The following SLC6A6 variants were observed in gnomAD, a reference collection of about 807,000 sequenced individuals.
SLC6A6 encodes sodium- and chloride-dependent taurine transporter.
In SLC6A6, 16 loss-of-function variants were observed where a neutral mutation model predicts 68.8. The ratio of observed to expected loss-of-function variants is 0.23; its 90% confidence interval spans 0.16 to 0.35. The LOEUF (loss-of-function observed/expected upper bound fraction) is 0.35. Ranked by LOEUF, SLC6A6 falls within the 10% of genes least tolerant of loss-of-function variation. The pLI, the probability that SLC6A6 is intolerant of heterozygous loss-of-function variation, is 1.00. For synonymous variants in SLC6A6, 312 were observed against 315.4 expected (o/e 0.99, Z 0.12); for missense variants, 474 against 802.8 (o/e 0.59, Z 4.95).
intron 3 of SLC6A6, 57 bp from the exon 4 acceptor site, chr3:14,445,660 T>C: frequency 1.2e-6 from 2 of 1,608,034 alleles, no homozygotes; most frequent in South Asian, 2.2e-5. Context: ...TTGGGAGCCT[T>C]CTGCGTCGGC....
intron 13 of SLC6A6, among the ~76,000 whole-genome samples, chr3:14,479,767 GT>G (rs1700966168): frequency 6.6e-6 from 1 of 152,208 alleles, no homozygotes; most frequent in South Asian, 2.1e-4. Context: ...CGCCCACCAT[GT>G]TGGAGTTGGC....
chr3:14,446,431 C>T (rs35160978), intron 4 of SLC6A6, among the ~76,000 whole-genome samples: 69,658 of 152,018 alleles, frequency 0.46, 17,397 homozygotes, highest in African/African-American at 0.67. Context: ...GGAGCAAGGG[C>T]TGAAAGACTA....
At chr3:14,419,770 C>A (rs1699445868) in intron 2 of SLC6A6, among the ~76,000 whole-genome samples, 1 of 152,150 alleles carries the variant, frequency 6.6e-6, no homozygotes, top group Admixed American at 6.5e-5. Context: ...CATGCAATTT[C>A]TCATTTTATC....
At chr3:14,457,856 G>A in intron 5 of SLC6A6, 94 bp from the exon 6 acceptor site, 1 of 1,237,700 alleles carries the variant, frequency 8.1e-7, no homozygotes, top group Non-Finnish European at 1.2e-6. Flanking sequence ...CCTCAGGTGG[G>A]ATTTGACCCC....
intron 13 of SLC6A6, among the ~76,000 whole-genome samples, chr3:14,479,482 T>C (rs967579467): frequency 6.6e-6 from 1 of 152,154 alleles, no homozygotes; most frequent in African/African-American, 2.4e-5. Context: ...TGGAGCATGT[T>C]GAGAAATCCA....
rs1157780713 is a variant in SLC6A6, at chr3:14,468,487, C to T, written c.1096+275C>T. ...TTAGCTACCTTAGTGTGGTCTTCCC[C>T]GCCCCCCCGTCCTTCCCCAGCAAAC... is the stretch of plus-strand genomic sequence containing the variant. On this transcript the variant is annotated intron_variant, in intron 9 of 14. Transcript: ENST00000622186. This position sits in a 1 kb window ranked among gnomAD's most constrained non-coding sequence, Gnocchi z 4.5. Among the ~76,000 whole-genome samples, 3 of 152,002 alleles carry T rather than the reference C, an allele frequency of 2.0e-5. No individual in the cohort carries two copies. Among genetic ancestry groups the T allele is most frequent in the African/African-American group, 4.8e-5 (2 of 41,368 alleles).
intron 14 of SLC6A6, among the ~76,000 whole-genome samples, chr3:14,483,102 AG>A (rs917599905): frequency 5.8e-4 from 88 of 152,344 alleles, no homozygotes; most frequent in African/African-American, 2.0e-3. Flanking sequence ...GACACCCAAC[AG>A]GTCACTAACT....
chr3:14,418,980 A>G (rs1281990830), intron 2 of SLC6A6, among the ~76,000 whole-genome samples: 3 of 152,200 alleles, frequency 2.0e-5, no homozygotes, highest in Non-Finnish European at 2.9e-5. Flanking sequence ...TGAGTAGTCA[A>G]AGCACCTGGG....
At chr3:14,414,472 G>A (rs1265698250) in intron 1 of SLC6A6, among the ~76,000 whole-genome samples, 1 of 152,134 alleles carries the variant, frequency 6.6e-6, no homozygotes, top group Non-Finnish European at 1.5e-5. Flanking sequence ...GCTGTCCCCA[G>A]AAGGGGCATG....
At chr3:14,426,785 G>C (rs1359314633) in intron 2 of SLC6A6, among the ~76,000 whole-genome samples, 1 of 152,036 alleles carries the variant, frequency 6.6e-6, no homozygotes, top group Non-Finnish European at 1.5e-5. Flanking sequence ...AGGAGGGCTG[G>C]CCCTGCCCTA....
At chr3:14,405,904 T>A (rs867527058) in intron 1 of SLC6A6, among the ~76,000 whole-genome samples, 12 of 152,230 alleles carry the variant, frequency 7.9e-5, no homozygotes, top group African/African-American at 2.6e-4. Flanking sequence ...TTACCATCCG[T>A]AGGATACAGT....
At position 14,477,198 on chromosome 3, in the gene SLC6A6, T is replaced by C; in HGVS notation, c.1210-7T>C. 1 of 1,609,350 alleles carries C rather than the reference T, an allele frequency of 6.2e-7. No homozygotes were observed. Among genetic ancestry groups the C allele is most frequent in the Non-Finnish European group, 8.5e-7 (1 of 1,176,748 alleles). On this transcript the variant is annotated splice_polypyrimidine_tract_variant and splice_region_variant and intron_variant, in intron 10 of 14. Coordinates refer to ENST00000622186, the MANE Select transcript of SLC6A6 (RefSeq NM_003043.6). This position sits in a 1 kb window ranked among gnomAD's most constrained non-coding sequence, Gnocchi z 4.2. ...CGCTCACCAGCTCTCTCTCTTCCCC[T>C]CCTCAGTTTGTTGAAGTTGAAGGAC...
chr3:14,410,605 A>G (rs1004411956), intron 1 of SLC6A6, among the ~76,000 whole-genome samples: 4 of 152,200 alleles, frequency 2.6e-5, no homozygotes, highest in African/African-American at 7.2e-5. Context: ...CTCAGCAGGT[A>G]TCTGAGCAGG....
At chr3:14,443,579 TG>T in intron 2 of SLC6A6, 44 bp from the exon 3 acceptor site, 1 of 1,281,088 alleles carries the variant, frequency 7.8e-7, no homozygotes, top group Non-Finnish European at 1.1e-6. Context: ...GACATACAGG[TG>T]GTCCCTCATC....
At chr3:14,443,215 C>G (rs1363235988) in intron 2 of SLC6A6, among the ~76,000 whole-genome samples, 1 of 152,158 alleles carries the variant, frequency 6.6e-6, no homozygotes, top group Non-Finnish European at 1.5e-5. Context: ...CTGTTAATTT[C>G]TAGAAACTGC....
chr3:14,473,784 A>C (rs1456558464), intron 10 of SLC6A6, among the ~76,000 whole-genome samples: 1 of 152,250 alleles, frequency 6.6e-6, no homozygotes, highest in South Asian at 2.1e-4. Context: ...CAGAGGCCCC[A>C]AGCAAATGGC....
At position 14,465,991 on chromosome 3, in the gene SLC6A6, G is replaced by A. The variant is rs191407177; in HGVS notation, c.733-525G>A. Among the ~76,000 whole-genome samples the A allele has an allele frequency of 2.8e-4, 43 of 152,290 alleles. No homozygotes were observed. The East Asian group carries it at 7.4e-3, about 26-fold the overall frequency. On this transcript the variant is annotated intron_variant, in intron 6 of 14. Transcript: ENST00000622186. ...TAAATCTGTGAGGTGGGCTGGCGCT[G>A]TGGCTCATGCCTATAATCCCAGCAC...
chr3:14,446,153 AT>A (rs1700116514), intron 4 of SLC6A6, among the ~76,000 whole-genome samples: 1 of 152,242 alleles, frequency 6.6e-6, no homozygotes, highest in Non-Finnish European at 1.5e-5. Flanking sequence ...TAGCAAAGAC[AT>A]GGAATCAGCC....
intron 6 of SLC6A6, among the ~76,000 whole-genome samples, chr3:14,460,482 G>A (rs1384541984): frequency 6.6e-6 from 1 of 152,110 alleles, no homozygotes; most frequent in Non-Finnish European, 1.5e-5. Context: ...AGTATGTGGA[G>A]GGGAAAATCT....
Sources: gnomAD v4.1 joint callset for allele counts (sites outside exome capture counted in the v4.1 genomes callset) on GRCh38, gnomAD v4.1.1 for gene constraint, Gnocchi (gnomAD v3.1) non-coding constraint, MANE v1.5 for transcripts, NCBI Gene and HGNC (gene_info 2026-07-23, HGNC 2026-07-21) for gene names.